The following CBX1 variants were observed in gnomAD, a reference collection of about 807,000 sequenced individuals.
CBX1 encodes the protein chromobox protein homolog 1.
CBX1 carries 10 observed loss-of-function variants against 25.1 expected under a neutral mutation model. The observed-to-expected ratio is 0.40, with a 90% confidence interval of 0.25 to 0.68. The LOEUF (loss-of-function observed/expected upper bound fraction) is 0.68, where lower values mean the gene tolerates loss of function less well. Among genes scored for constraint, CBX1 ranks in the 30% least tolerant of loss-of-function variants. CBX1 has a pLI of 0.40. For synonymous variants in CBX1, 63 were observed against 79.4 expected (o/e 0.79, Z 1.10); for missense variants, 106 against 218.5 (o/e 0.49, Z 3.25).
chr17:48,077,442 T>TGA (rs2037686875), intron 1 of CBX1, among the ~76,000 whole-genome samples: 1 of 42,248 alleles, frequency 2.4e-5, no homozygotes, highest in African/African-American at 9.5e-5. Flanking sequence ...TGTTTTTTTT[T>TGA]TTGTTTTTTT....
rs191242428 is a variant in CBX1, at chr17:48,092,154, C to T, written c.-38+9114G>A. ...TACAGGCATGCGCCACCATGCCCAG[C>T]TACTTTTGTATTTTTAGTAGAGATG... On this transcript the variant is annotated intron_variant, in intron 1 of 4. Transcript: ENST00000225603. 4.7e-5 allele frequency among the ~76,000 whole-genome samples: 7 copies of T among 149,382 alleles called. No individual in the cohort carries two copies. In the East Asian group the frequency reaches 1.4e-3, roughly 31 times the overall value.
intron 1 of CBX1, among the ~76,000 whole-genome samples, chr17:48,091,618 G>A (rs933858600): frequency 1.5e-5 from 2 of 135,654 alleles, no homozygotes; most frequent in Admixed American, 1.7e-4. Flanking sequence ...TTGGCTCACC[G>A]CAACTTCTGC....
rs775410359 is a variant in CBX1, at chr17:48,076,977, C to T, written c.28G>A (p.Val10Met). The change falls in exon 2 of 5, where the codon GTG becomes ATG. Residue 10 changes from valine to methionine, a missense_variant. This residue lies in a region of CBX1 where 19 missense variants were observed against 17.3 expected (regional missense o/e 1.10). Coordinates refer to ENST00000225603, the MANE Select transcript of CBX1 (RefSeq NM_001127228.2). MGKKQNKKK[V>M]EEVLEEEEEE... is the part of the protein sequence containing the mutation. ...TCCTCCTCTTCTAGCACCTCCTCCACTTTCTTCTTGTTTTGTTTTTTCCCC... is the reference window on the plus strand; with the variant it reads ...TCCTCCTCTTCTAGCACCTCCTCCATTTTCTTCTTGTTTTGTTTTTTCCCC... 6.8e-6 allele frequency: 11 copies of T among 1,613,614 alleles called. No individual in the cohort carries two copies. The highest frequency in any genetic ancestry group is 9.3e-6 in the Non-Finnish European group (11 of 1,179,804).
intron 1 of CBX1, among the ~76,000 whole-genome samples, chr17:48,086,335 T>C (rs1201021953): frequency 6.6e-6 from 1 of 152,202 alleles, no homozygotes; most frequent in Non-Finnish European, 1.5e-5. Flanking sequence ...TTGAAATAGT[T>C]TGTACTGTGA....
intron 4 of CBX1, among the ~76,000 whole-genome samples, chr17:48,071,984 T>C (rs2037628625): frequency 7.2e-6 from 1 of 139,766 alleles, no homozygotes; most frequent in African/African-American, 2.7e-5. Flanking sequence ...AAATCTTGGC[T>C]TTGTAATAGG....
At chr17:48,084,549 G>A (rs2037769998) in intron 1 of CBX1, among the ~76,000 whole-genome samples, 1 of 149,480 alleles carries the variant, frequency 6.7e-6, no homozygotes, top group African/African-American at 2.6e-5. Flanking sequence ...CAATTCTCTC[G>A]CTTTGGCCTC....
intron 1 of CBX1, among the ~76,000 whole-genome samples, chr17:48,093,105 GA>G (rs2063353691): frequency 9.2e-6 from 1 of 108,206 alleles, no homozygotes; most frequent in Non-Finnish European, 1.9e-5. Context: ...GAAAAGAAAA[GA>G]AAGAAACAAA....
At chr17:48,090,054 C>T (rs2063336296) in intron 1 of CBX1, among the ~76,000 whole-genome samples, 1 of 151,384 alleles carries the variant, frequency 6.6e-6, no homozygotes, top group South Asian at 2.1e-4. Flanking sequence ...CCAGGGCGTG[C>T]ACCACCACCC....
Position 48,071,871 on chromosome 17 carries a change from TCTAGATTCTCTGAGGGAAGAGAGGATAC to T in CBX1, c.414-320_414-293del, listed in dbSNP as rs561591099. Among the ~76,000 whole-genome samples, 769 of 152,178 alleles carry T rather than the reference TCTAGATTCTCTGAGGGAAGAGAGGATAC, an allele frequency of 5.1e-3. 3 individuals are homozygous for T. Among genetic ancestry groups the T allele is most frequent in the Non-Finnish European group, 8.1e-3 (550 of 68,016 alleles). On this transcript the variant is annotated intron_variant, in intron 4 of 4. Coordinates refer to ENST00000225603, the MANE Select transcript of CBX1 (RefSeq NM_001127228.2). ...GGCAAGGCCCCAAAAAGCATGACTC[TCTAGATTCTCTGAGGGAAGAGAGGATAC>T]CTAGATTCTCTGAGGGAAGAGAAGT...
chr17:48,099,395 C>T (rs866843288), intron 1 of CBX1, among the ~76,000 whole-genome samples: 37 of 147,796 alleles, frequency 2.5e-4, no homozygotes, highest in African/African-American at 9.1e-4. Context: ...TGAGCCACTG[C>T]GCCCGACCCT....
intron 1 of CBX1, among the ~76,000 whole-genome samples, chr17:48,098,816 G>A (rs538097029): frequency 1.6e-4 from 25 of 152,254 alleles, no homozygotes; most frequent in African/African-American, 6.0e-4. Context: ...TTACACCACT[G>A]CAGATAGGAT....
In CBX1 at chr17:48,076,979, T is replaced by A; in HGVS notation, c.26A>T (p.Lys9Ile). 6.2e-7 allele frequency: 1 copy of A among 1,613,532 alleles called. No homozygotes were observed. The highest frequency in any genetic ancestry group is 1.1e-5 in the South Asian group (1 of 90,982). The change falls in exon 2 of 5, where the codon AAA becomes ATA. Residue 9 changes from lysine to isoleucine, a missense_variant. By Grantham distance (102) the Lys-to-Ile change is moderately radical. Coordinates refer to ENST00000225603, the MANE Select transcript of CBX1 (RefSeq NM_001127228.2). MGKKQNKK[K>I]VEEVLEEEEE... ...CTCCTCTTCTAGCACCTCCTCCACT[T>A]TCTTCTTGTTTTGTTTTTTCCCCAT... is the stretch of plus-strand genomic sequence containing the variant.
chr17:48,100,980 C>G, intron 1 of CBX1: 1 of 986,134 alleles, frequency 1.0e-6, no homozygotes, highest in Non-Finnish European at 1.2e-6. Flanking sequence ...TGTTCCAGAC[C>G]ACCCGGGCCC....
intron 1 of CBX1, chr17:48,088,288 G>C (rs1162963164): frequency 1.3e-5 from 2 of 150,516 alleles, no homozygotes; most frequent in Admixed American, 1.3e-4. Context: ...TCCAGCCTGG[G>C]AGACAGTGTG....
rs543463883 is a variant in CBX1 at position 48,096,078 on chromosome 17, C to T, written c.-38+5190G>A. On this transcript the variant is annotated intron_variant, in intron 1 of 4. Transcript: ENST00000225603. ...TATTTTTAGTAGAGACGGAGTTTCT[C>T]CATGTTGGTCAGGCTGGTCTTCAGT... 2.6e-5 allele frequency among the ~76,000 whole-genome samples: 4 copies of T among 152,272 alleles called. No homozygotes were observed. The East Asian group carries it at 5.8e-4, about 22-fold the overall frequency.
chr17:48,073,121 C>T (rs2037640842), intron 4 of CBX1, among the ~76,000 whole-genome samples: 1 of 136,722 alleles, frequency 7.3e-6, no homozygotes, highest in Admixed American at 7.0e-5. Flanking sequence ...GACTCTGTCT[C>T]ATTTAAAAAA....
intron 1 of CBX1, among the ~76,000 whole-genome samples, chr17:48,086,093 A>G (rs2063309864): frequency 6.6e-6 from 1 of 152,138 alleles, no homozygotes; most frequent in Non-Finnish European, 1.5e-5. Context: ...AACAAAACAA[A>G]AAAAACCCAA....
chr17:48,096,373 A>G, intron 1 of CBX1: 1 of 985,204 alleles, frequency 1.0e-6, no homozygotes, highest in South Asian at 4.7e-5. Context: ...AAATGTTAGT[A>G]TGGACACAGA....
chr17:48,078,010 C>T (rs1287547271), intron 1 of CBX1, among the ~76,000 whole-genome samples: 1 of 151,860 alleles, frequency 6.6e-6, no homozygotes, highest in African/African-American at 2.4e-5. Context: ...AAAAATTAGC[C>T]AGTCGTGAGC....
Sources: gnomAD v4.1 joint callset for allele counts (sites outside exome capture counted in the v4.1 genomes callset) on GRCh38, gnomAD v4.1.1 for gene constraint, gnomAD v4.1.1 regional missense constraint, MANE v1.5 for transcripts, NCBI Gene and HGNC (gene_info 2026-07-23, HGNC 2026-07-21) for gene names.